Variants in NOTCH3 observed in about 807,000 individuals in gnomAD.
The protein encoded by NOTCH3 is notch receptor 3, also known as neurogenic locus notch homolog protein 3.
Under a neutral mutation model 213.3 loss-of-function variants are expected in NOTCH3, and 86 were observed. That is an observed-to-expected ratio of 0.40 (90% CI 0.34 to 0.48). The LOEUF (loss-of-function observed/expected upper bound fraction) is 0.48. Ranked by LOEUF, NOTCH3 falls within the 20% of genes least tolerant of loss-of-function variation. The pLI, the probability that NOTCH3 is intolerant of heterozygous loss-of-function variation, is 0.57. For synonymous variants in NOTCH3, 1,354 were observed against 1,355.9 expected (o/e 1.00, Z 0.03); for missense variants, 2,783 against 3,272.6 (o/e 0.85, Z 3.65).
chr19:15,170,781 G>T lies in NOTCH3; in HGVS notation c.4781C>A (p.Ser1594Ter). ...GGGGAAGCAGTGATCATTCTCAGGCGACTGCAGGCAGAGCCGGTTGTCAAT... is the reference window on the plus strand; with the variant it reads ...GGGGAAGCAGTGATCATTCTCAGGCTACTGCAGGCAGAGCCGGTTGTCAAT... ...LEIDNRLCLQ[S>*]PENDHCFPDA... The change falls in exon 26 of 33, where the codon TCG becomes TAG. Residue 1594 changes from serine to a stop codon, truncating the protein, a stop_gained. Coordinates refer to ENST00000263388, the MANE Select transcript of NOTCH3 (RefSeq NM_000435.3). LOFTEE classifies it high-confidence loss of function. 6.2e-7 allele frequency: 1 copy of T among 1,613,272 alleles called. No homozygotes were observed. Among genetic ancestry groups the T allele is most frequent in the South Asian group, 1.1e-5 (1 of 90,844 alleles).
At chr19:15,197,746 C>A (rs967774751) in intron 1 of NOTCH3, among the ~76,000 whole-genome samples, 168 bp from the exon 2 acceptor site, 12 of 138,588 alleles carry the variant, frequency 8.7e-5, no homozygotes, top group African/African-American at 1.1e-4. Context: ...CCCCCCCCCC[C>A]CCGCCCCAGC....
At chr19:15,178,380 G>A in intron 23 of NOTCH3, 1 of 468,096 alleles carries the variant, frequency 2.1e-6, no homozygotes. Context: ...GGAAATGTCG[G>A]GGCAGGGGGT....
rs750802043 is a variant in NOTCH3, at chr19:15,200,823, G to A, written c.83C>T (p.Pro28Leu). The change falls in exon 1 of 33, where the codon CCC becomes CTC. Residue 28 changes from proline to leucine, a missense_variant. Physicochemically the swap from Pro to Leu is moderately conservative, Grantham distance 98 (BLOSUM62 -3). Coordinates refer to ENST00000263388, the MANE Select transcript of NOTCH3 (RefSeq NM_000435.3). ...PPPPPPVRAL[P>L]LLLLLAGPGA... Reference sequence around the variant, plus strand: ...CGGCCCCGCTAGCAGCAGCAGCAGGGGCAGCGCCCGCACGGGTGGCGGTGG... The same window carrying A: ...CGGCCCCGCTAGCAGCAGCAGCAGGAGCAGCGCCCGCACGGGTGGCGGTGG... 6 of 1,222,518 alleles carry A rather than the reference G, an allele frequency of 4.9e-6. No homozygotes were observed. The South Asian group carries it at 1.0e-4, about 21-fold the overall frequency. The allele number at this position is 1,222,518 out of a possible 1,614,324, so 75.7% of individuals were successfully genotyped here.
intron 24 of NOTCH3, 87 bp from the exon 25 acceptor site, chr19:15,174,487 G>A (rs2046770970): frequency 1.0e-6 from 1 of 978,994 alleles, no homozygotes; most frequent in Non-Finnish European, 1.5e-6. Flanking sequence ...GTAGAGTACA[G>A]AGACTCCAGA....
chr19:15,167,526 G>A (rs968626909), intron 28 of NOTCH3, 115 bp from the exon 29 acceptor site: 17 of 879,868 alleles, frequency 1.9e-5, no homozygotes, highest in East Asian at 2.6e-5. Context: ...TACACACAGA[G>A]CCCTGGGAAA....
intron 2 of NOTCH3, among the ~76,000 whole-genome samples, chr19:15,195,742 G>A (rs993820122): frequency 6.6e-6 from 1 of 151,724 alleles, no homozygotes; most frequent in South Asian, 2.1e-4. Flanking sequence ...CGCTGCGCTG[G>A]GCGCCGAGGA....
intron 20 of NOTCH3, 95 bp downstream of exon 20, chr19:15,179,975 TAG>T (rs2046825536): frequency 1.2e-6 from 1 of 819,312 alleles, no homozygotes; most frequent in Admixed American, 1.9e-5. Flanking sequence ...CAGACATATC[TAG>T]AGACATACCC....
chr19:15,179,228 G>A lies in NOTCH3; in HGVS notation c.3515C>T (p.Ser1172Leu), dbSNP rs746713507. 6.2e-7 allele frequency: 1 copy of A among 1,614,030 alleles called. No homozygotes were observed. Among genetic ancestry groups the A allele is most frequent in the South Asian group, 1.1e-5 (1 of 91,084 alleles). ...DDCGPGPPLDSGPRCLHNGTC... is the reference protein window; with the variant it reads ...DDCGPGPPLDLGPRCLHNGTC... Reference sequence around the variant, plus strand: ...GCCATTGTGTAGGCACCGGGGCCCTGAGTCCAGCGGTGGGCCTGGGCCGCA... The same window carrying A: ...GCCATTGTGTAGGCACCGGGGCCCTAAGTCCAGCGGTGGGCCTGGGCCGCA... The change falls in exon 22 of 33, where the codon TCA becomes TTA. Residue 1172 changes from serine (S) to leucine (L), a missense_variant. Around this residue, in one of 6 missense-constraint regions of NOTCH3, gnomAD observed 861 missense variants for 909.1 expected, o/e 0.95. Transcript: ENST00000263388.
Position 15,185,407 on chromosome 19 carries a change from A to C in NOTCH3, c.2146T>G (p.Phe716Val), listed in dbSNP as rs1326669803. 6.2e-7 allele frequency: 1 copy of C among 1,612,146 alleles called. No homozygotes were observed. Residue 716 changes from phenylalanine (F) to valine (V), a missense_variant and splice_region_variant, in exon 14 of 33, where the codon TTC becomes GTC. By Grantham distance (50) the Phe-to-Val change is conservative. Coordinates refer to ENST00000263388, the MANE Select transcript of NOTCH3 (RefSeq NM_000435.3). The surrounding 1 kb of genome is among the most constrained non-coding windows in gnomAD (Gnocchi z 4.2). ...CAGCCAGGCTCACACACACAGCGGAACCTGGCAGGGGAAGGTAGTCAGGCC... is the reference window on the plus strand; with the variant it reads ...CAGCCAGGCTCACACACACAGCGGACCCTGGCAGGGGAAGGTAGTCAGGCC... ...HGICYDAPGG[F>V]RCVCEPGWSG...
At position 15,180,789 on chromosome 19, in the gene NOTCH3, C is replaced by T. The variant is rs2046833480; in HGVS notation, c.3034G>A (p.Gly1012Arg). 1 of 1,610,480 alleles carries T rather than the reference C, an allele frequency of 6.2e-7. No individual in the cohort carries two copies. The highest frequency in any genetic ancestry group is 8.5e-7 in the Non-Finnish European group (1 of 1,178,826). Residue 1012 changes from glycine to arginine, a missense_variant, in exon 19 of 33, where the codon GGG becomes AGG. Coordinates refer to ENST00000263388, the MANE Select transcript of NOTCH3 (RefSeq NM_000435.3). ...GCCCCAGTCTGGACGCAGCGACCCC[C>T]GTTTTGACAAGGCTGGCGGCTGCAC... ...DWCSRQPCQNGGRCVQTGAYC... is the reference protein window; with the variant it reads ...DWCSRQPCQNRGRCVQTGAYC...
intron 2 of NOTCH3, 63 bp downstream of exon 2, chr19:15,197,437 A>T: frequency 9.6e-7 from 1 of 1,038,140 alleles, no homozygotes; most frequent in Non-Finnish European, 1.5e-6. Flanking sequence ...GGAGAAGACA[A>T]ATCGCCCCTC....
At chr19:15,191,097 A>C (rs1439244448) in intron 6 of NOTCH3, among the ~76,000 whole-genome samples, 3 of 150,766 alleles carry the variant, frequency 2.0e-5, no homozygotes, top group African/African-American at 7.3e-5. Flanking sequence ...GCAGTGGTGC[A>C]ATCTTGGCTC....
chr19:15,161,099 G>A lies in NOTCH3; in HGVS notation c.6529C>T (p.Pro2177Ser). 2 of 1,539,996 alleles carry A rather than the reference G, an allele frequency of 1.3e-6. No homozygotes were observed. Among genetic ancestry groups the A allele is most frequent in the Non-Finnish European group, 1.7e-6 (2 of 1,148,832 alleles). The stretch of plus-strand genomic sequence containing the variant: ...AACGAGGGGCCTGGAGGGGCAGGTG[G>A]GGGCAGCCGGGCCCAATCGAGGGGC... ...AVPLDWARLP[P>S]PAPPGPSFLL... Residue 2177 changes from proline (P) to serine (S), a missense_variant, in exon 33 of 33, where the codon CCA becomes TCA. This residue lies in a region of NOTCH3 where 441 missense variants were observed against 432.1 expected (regional missense o/e 1.02). Transcript: ENST00000263388.
At chr19:15,195,594 C>A (rs1347268756) in intron 2 of NOTCH3, among the ~76,000 whole-genome samples, 1 of 152,070 alleles carries the variant, frequency 6.6e-6, no homozygotes, top group African/African-American at 2.4e-5. Flanking sequence ...CACCCCGGCC[C>A]CCAGCGAAAC....
rs1487842687 is a variant in NOTCH3, at chr19:15,187,983, A to G, written c.1504T>C (p.Ser502Pro). 2.6e-6 allele frequency: 4 copies of G among 1,551,062 alleles called. No individual in the cohort carries two copies. Among genetic ancestry groups the G allele is most frequent in the Non-Finnish European group, 3.5e-6 (4 of 1,146,912 alleles). ...SCTCPSGFSG[S>P]TCQLDVDECA... ...TCGTCCACGTCCAGCTGACACGTGG[A>G]GCCGCTGAAGCCTGGGGTGGGGAGT... The change falls in exon 10 of 33, where the codon TCC (serine) becomes CCC (proline). Residue 502 changes from serine to proline, a missense_variant. Coordinates refer to ENST00000263388, the MANE Select transcript of NOTCH3 (RefSeq NM_000435.3).
Position 15,160,934 on chromosome 19 carries a change from T to C in NOTCH3, c.6694A>G (p.Lys2232Glu), listed in dbSNP as rs753983081. The C allele has an allele frequency of 5.0e-6, 8 of 1,600,420 alleles. No homozygotes were observed. In the East Asian group the frequency reaches 6.8e-5, roughly 14 times the overall value. The stretch of plus-strand genomic sequence containing the variant: ...CTGGGAACCCGCAGGAAGCGGGCCT[T>C]TGGGGGGCTGCTGTGTGCCCCAGCC... ...PAAGAHSSPPKARFLRVPSEH... is the reference protein window; with the variant it reads ...PAAGAHSSPPEARFLRVPSEH... The change falls in exon 33 of 33, where the codon AAG (lysine) becomes GAG (glutamate). Residue 2232 changes from lysine (K) to glutamate (E), a missense_variant. Transcript: ENST00000263388.
chr19:15,172,989 T>TCCC (rs1183399563), intron 25 of NOTCH3, among the ~76,000 whole-genome samples: 39 of 133,548 alleles, frequency 2.9e-4, no homozygotes, highest in South Asian at 1.7e-3. Context: ...TTCCTCCTCC[T>TCCC]CCTCCCCCTC....
At chr19:15,184,502 TCTCAGGGACCTGGGG>T (rs2046865646) in intron 15 of NOTCH3, 52 bp from the exon 16 acceptor site, 2 of 1,579,496 alleles carry the variant, frequency 1.3e-6, no homozygotes, top group Admixed American at 1.7e-5. Context: ...CAGAGCAGGG[TCTCAGGGACCTGGGG>T]CTCAGGAAGA....
intron 8 of NOTCH3, among the ~76,000 whole-genome samples, chr19:15,188,560 A>G (rs1267370898): frequency 6.6e-6 from 1 of 152,036 alleles, no homozygotes; most frequent in Non-Finnish European, 1.5e-5. Flanking sequence ...GGGTGTCCGC[A>G]GAGGCCTTGC....
Sources: gnomAD v4.1 joint callset for allele counts (sites outside exome capture counted in the v4.1 genomes callset) on GRCh38, gnomAD v4.1.1 for gene constraint, gnomAD v4.1.1 regional missense constraint, Gnocchi (gnomAD v3.1) non-coding constraint, MANE v1.5 for transcripts, NCBI Gene and HGNC (gene_info 2026-07-23, HGNC 2026-07-21) for gene names.